The following CNTNAP2 variants were observed in gnomAD, a reference collection of about 807,000 sequenced individuals.
The protein encoded by CNTNAP2 is contactin-associated protein-like 2.
Under a neutral mutation model 155.2 loss-of-function variants are expected in CNTNAP2, and 98 were observed. The ratio of observed to expected loss-of-function variants is 0.63; its 90% CI spans 0.54 to 0.75. CNTNAP2 has a LOEUF of 0.75. CNTNAP2 is among the 30% of genes least tolerant of loss of function. The pLI is 0.00. For synonymous variants in CNTNAP2, 651 were observed against 631.2 expected, an observed-to-expected ratio of 1.03 and a Z score of -0.47; for missense variants, 1,727 against 1,688.1, an observed-to-expected ratio of 1.02 and a Z score of -0.40.
chr7:146,812,723 A>C (rs1020508785), intron 2 of CNTNAP2, among the ~76,000 whole-genome samples: 4 of 152,174 alleles, frequency 2.6e-5, no homozygotes, highest in Non-Finnish European at 4.4e-5. Flanking sequence ...GTTAATCACT[A>C]AGACAATGGG....
intron 1 of CNTNAP2, among the ~76,000 whole-genome samples, chr7:146,686,373 G>A (rs192856790): frequency 1.5e-4 from 23 of 152,190 alleles, no homozygotes; most frequent in East Asian, 5.8e-4. Context: ...TATGTGTTGC[G>A]TGTGCAGAAT....
At chr7:146,579,021 T>C (rs1798567896) in intron 1 of CNTNAP2, among the ~76,000 whole-genome samples, 1 of 152,172 alleles carries the variant, frequency 6.6e-6, no homozygotes, top group South Asian at 2.1e-4. Flanking sequence ...GCTGACGTAT[T>C]TTACTTTGTG....
At chr7:146,651,694 C>T (rs1303599577) in intron 1 of CNTNAP2, among the ~76,000 whole-genome samples, 1 of 152,094 alleles carries the variant, frequency 6.6e-6, no homozygotes, top group Admixed American at 6.6e-5. Flanking sequence ...TTATGATATT[C>T]TCTTATTGCT....
chr7:148,005,686 A>G (rs1801964438), intron 15 of CNTNAP2, among the ~76,000 whole-genome samples: 1 of 152,142 alleles, frequency 6.6e-6, no homozygotes, highest in South Asian at 2.1e-4. Flanking sequence ...CAAAAGCTCA[A>G]TCTTATTTTA....
At chr7:147,491,660 T>C (rs1798611725) in intron 11 of CNTNAP2, among the ~76,000 whole-genome samples, 1 of 152,214 alleles carries the variant, frequency 6.6e-6, no homozygotes, top group Admixed American at 6.5e-5. Context: ...CCAAGCATTC[T>C]TGAATGTCAA....
intron 14 of CNTNAP2, among the ~76,000 whole-genome samples, chr7:147,916,523 T>A (rs1475399299): frequency 4.0e-5 from 6 of 151,762 alleles, no homozygotes; most frequent in Admixed American, 3.9e-4. Context: ...TTAAATGGAC[T>A]TAAACAAAAT....
intron 2 of CNTNAP2, among the ~76,000 whole-genome samples, chr7:146,826,540 C>A (rs1004273972): frequency 6.6e-6 from 1 of 152,052 alleles, no homozygotes; most frequent in Non-Finnish European, 1.5e-5. Flanking sequence ...ATACCCTGTC[C>A]ACTCACTCTG....
At chr7:148,181,956 A>C (rs1795046511) in intron 18 of CNTNAP2, among the ~76,000 whole-genome samples, 2 of 151,218 alleles carry the variant, frequency 1.3e-5, no homozygotes, top group Non-Finnish European at 2.9e-5. Context: ...ACGGGGTTTC[A>C]CCATGTTGGC....
At chr7:148,322,619 T>G (rs201967728) in intron 21 of CNTNAP2, among the ~76,000 whole-genome samples, 1 of 138,868 alleles carries the variant, frequency 7.2e-6, no homozygotes, top group Admixed American at 7.1e-5. Context: ...AAGGAGTTAA[T>G]TTTTTGCTGC....
intron 1 of CNTNAP2, among the ~76,000 whole-genome samples, chr7:146,395,816 GATA>G (rs1795614807): frequency 3.5e-5 from 5 of 141,240 alleles, no homozygotes; most frequent in Non-Finnish European, 7.5e-5. Context: ...TAGATAGATA[GATA>G]GATAGAGGAG....
chr7:146,527,221 A>G (rs993784156), intron 1 of CNTNAP2, among the ~76,000 whole-genome samples: 1 of 152,172 alleles, frequency 6.6e-6, no homozygotes, highest in Non-Finnish European at 1.5e-5. Flanking sequence ...AATAAATAAT[A>G]TTAACTAAAT....
chr7:146,789,895 T>C (rs1252516044), intron 2 of CNTNAP2, among the ~76,000 whole-genome samples: 1 of 150,022 alleles, frequency 6.7e-6, no homozygotes, highest in African/African-American at 2.5e-5. Context: ...TGAGGCCTAC[T>C]AGATATGCCG....
intron 4 of CNTNAP2, among the ~76,000 whole-genome samples, chr7:147,098,636 T>C (rs1800592705): frequency 6.6e-6 from 1 of 152,198 alleles, no homozygotes; most frequent in Non-Finnish European, 1.5e-5. Flanking sequence ...GGCTTTTGTT[T>C]GATCAAAACT....
chr7:147,045,418 T>C (rs549736750), intron 4 of CNTNAP2, among the ~76,000 whole-genome samples: 2 of 152,302 alleles, frequency 1.3e-5, no homozygotes, highest in East Asian at 1.9e-4. Context: ...CCGAATACTG[T>C]CTTATTAATT....
At chr7:148,076,342 A>G (rs1253317435) in intron 15 of CNTNAP2, among the ~76,000 whole-genome samples, 1 of 150,744 alleles carries the variant, frequency 6.6e-6, no homozygotes, top group East Asian at 2.0e-4. Flanking sequence ...AATGCCCCGC[A>G]ACAAAGAATG....
At chr7:147,394,369 A>G (rs1796773740) in intron 9 of CNTNAP2, among the ~76,000 whole-genome samples, 2 of 151,832 alleles carry the variant, frequency 1.3e-5, no homozygotes, top group South Asian at 2.1e-4. Flanking sequence ...TATAATGGCC[A>G]TTTTTTGTTT....
At chr7:147,054,117 C>T (rs1029476303) in intron 4 of CNTNAP2, among the ~76,000 whole-genome samples, 2 of 152,088 alleles carry the variant, frequency 1.3e-5, no homozygotes, top group Non-Finnish European at 2.9e-5. Context: ...CTTCTTCACC[C>T]GTAAGGGCTT....
intron 1 of CNTNAP2, among the ~76,000 whole-genome samples, chr7:146,743,038 T>A (rs900799358): frequency 2.0e-4 from 30 of 152,278 alleles, no homozygotes; most frequent in African/African-American, 4.1e-4. Context: ...TCTTTTTTTT[T>A]AATTTTATTT....
At chr7:148,185,685 G>C (rs1795105305) in intron 18 of CNTNAP2, among the ~76,000 whole-genome samples, 2 of 152,126 alleles carry the variant, frequency 1.3e-5, no homozygotes, top group Non-Finnish European at 2.9e-5. Flanking sequence ...GCTTTCTAAA[G>C]CTTTACTATT....
Sources: gnomAD v4.1 joint callset for allele counts (sites outside exome capture counted in the v4.1 genomes callset) on GRCh38, gnomAD v4.1.1 for gene constraint, MANE v1.5 for transcripts, NCBI Gene and HGNC (gene_info 2026-07-23, HGNC 2026-07-21) for gene names.